Variants in IL7 observed in about 807,000 individuals in gnomAD.
IL7 encodes the protein interleukin-7.
Under a neutral mutation model 21.6 loss-of-function variants are expected in IL7, and 3 were observed. The observed-to-expected ratio is 0.14, with a 90% confidence interval of 0.06 to 0.36. IL7 has a LOEUF of 0.36. Among genes scored for constraint, IL7 ranks in the 10% least tolerant of loss-of-function variants. The probability of loss-of-function intolerance (pLI) is 1.00; values close to 1 mark genes in which losing one functional copy is unlikely to be tolerated. For missense variants in IL7, 175 were observed against 200.2 expected, an observed-to-expected ratio of 0.87 and a Z score of 0.76; for synonymous variants, 62 against 68.1, an observed-to-expected ratio of 0.91 and a Z score of 0.44.
intron 2 of IL7, among the ~76,000 whole-genome samples, chr8:78,788,010 C>A (rs1813567080): frequency 6.6e-6 from 1 of 152,096 alleles, no homozygotes; most frequent in Admixed American, 6.6e-5. Context: ...CCTTGGTGTT[C>A]CTTGGCCAAG....
chr8:78,675,999 C>T (rs1345331982), exon 5 of IL7: 3 of 589,982 alleles, frequency 5.1e-6, no homozygotes, highest in East Asian at 3.1e-5. Flanking sequence ...GTTCAAGGGT[C>T]TTGATTTCAG....
Position 78,799,859 on chromosome 8 carries a change from A to T in IL7, c.11-1651T>A, listed in dbSNP as rs189942289. Among the ~76,000 whole-genome samples, 9 of 152,162 alleles carry T rather than the reference A, an allele frequency of 5.9e-5. No homozygotes were observed. In the East Asian group the frequency reaches 1.5e-3, roughly 26 times the overall value. On this transcript the variant is annotated intron_variant, in intron 1 of 5. Coordinates refer to ENST00000263851, the MANE Select transcript of IL7 (RefSeq NM_000880.4). ...TCTCTCTTCTACTCCTGTTCCTTCAACCTAAAGATCCTCAGTGATCAATTG... is the reference window on the plus strand; with the variant it reads ...TCTCTCTTCTACTCCTGTTCCTTCATCCTAAAGATCCTCAGTGATCAATTG...
chr8:78,764,996 G>A (rs1396236708), intron 2 of IL7, among the ~76,000 whole-genome samples: 2 of 152,044 alleles, frequency 1.3e-5, no homozygotes, highest in Admixed American at 1.3e-4. Flanking sequence ...TAGATCAATG[G>A]ACCAGAATAT....
chr8:78,743,796 CT>C (rs945106441), intron 2 of IL7, among the ~76,000 whole-genome samples: 50 of 151,590 alleles, frequency 3.3e-4, no homozygotes, highest in Middle Eastern at 3.4e-3. Context: ...CGTTGCCTAC[CT>C]TTTTTTTTCC....
chr8:78,681,767 G>T (rs1169305625), intron 4 of IL7, among the ~76,000 whole-genome samples: 1 of 151,968 alleles, frequency 6.6e-6, no homozygotes, highest in East Asian at 1.9e-4. Flanking sequence ...GTTTTCCAAG[G>T]ACATTGCCCA....
downstream of IL7, among the ~76,000 whole-genome samples, chr8:78,729,100 A>G (rs1811380176): frequency 6.6e-6 from 1 of 152,040 alleles, no homozygotes; most frequent in Non-Finnish European, 1.5e-5. Context: ...AAATATTGCC[A>G]GTCATGTATT....
At chr8:78,767,298 C>T (rs1008379033) in intron 2 of IL7, among the ~76,000 whole-genome samples, 9 of 151,818 alleles carry the variant, frequency 5.9e-5, no homozygotes, top group African/African-American at 1.9e-4. Flanking sequence ...TGAGTGTGAA[C>T]AATCAGGTTA....
In IL7 at chr8:78,776,151, T is replaced by TA. The variant is rs1479619790; in HGVS notation, c.147+21920dup. Among the ~76,000 whole-genome samples, 3 of 152,224 alleles carry TA rather than the reference T, an allele frequency of 2.0e-5. No individual in the cohort carries two copies. The South Asian group carries it at 6.2e-4, about 32-fold the overall frequency. Reference sequence around the variant, plus strand: ...AATTATGACAATATTCTAGCATCACTACTCTTGCTTTTTGGGGCCATTATG... The same window carrying TA: ...AATTATGACAATATTCTAGCATCACTAACTCTTGCTTTTTGGGGCCATTATG... On this transcript the variant is annotated intron_variant, in intron 2 of 5. Transcript: ENST00000263851.
chr8:78,675,798 G>A (rs1212893275), exon 5 of IL7: 4 of 1,608,350 alleles, frequency 2.5e-6, no homozygotes, highest in African/African-American at 1.3e-5. Context: ...GAATGGAGGT[G>A]TTGTCCAAGT....
chr8:78,695,400 C>T (rs1810365914), intron 3 of IL7, among the ~76,000 whole-genome samples: 1 of 152,108 alleles, frequency 6.6e-6, no homozygotes, highest in Admixed American at 6.5e-5. Flanking sequence ...CTACCAGGAA[C>T]CTTTCTGCCT....
chr8:78,746,779 G>A (rs543883645), intron 2 of IL7: 2 of 335,626 alleles, frequency 6.0e-6, no homozygotes, highest in South Asian at 4.8e-5. Flanking sequence ...GTGTGTATGT[G>A]TTTGTAGCAA....
At chr8:78,778,563 CTTCTTTGTGAGGTCTCTA>C (rs1180833290) in intron 2 of IL7, among the ~76,000 whole-genome samples, 1 of 152,000 alleles carries the variant, frequency 6.6e-6, no homozygotes, top group African/African-American at 2.4e-5. Context: ...GATATGTGGT[CTTCTTTGTGAGGTCTCTA>C]TTCTTTTCCA....
chr8:78,689,033 A>C (rs1239796109), intron 3 of IL7, among the ~76,000 whole-genome samples: 1 of 82,706 alleles, frequency 1.2e-5, no homozygotes, highest in African/African-American at 3.6e-5. Flanking sequence ...GTACCAGCAG[A>C]CTTTTTTTTT....
At chr8:78,689,992 G>A (rs1001501330) in intron 3 of IL7, among the ~76,000 whole-genome samples, 4 of 151,994 alleles carry the variant, frequency 2.6e-5, no homozygotes, top group African/African-American at 7.2e-5. Flanking sequence ...TGAAGTAAGG[G>A]GCAGTTTTTC....
intron 3 of IL7, chr8:78,698,392 A>G: frequency 6.3e-7 from 1 of 1,584,712 alleles, no homozygotes; most frequent in Non-Finnish European, 8.6e-7. Flanking sequence ...TATTGTTAAA[A>G]ATAATGCTTT....
At chr8:78,800,435 C>A (rs1004163357) in intron 1 of IL7, among the ~76,000 whole-genome samples, 4 of 152,126 alleles carry the variant, frequency 2.6e-5, no homozygotes. Context: ...GTAGCTAGGA[C>A]TACAGGGTGC....
At chr8:78,773,340 C>A (rs1354435129) in intron 2 of IL7, among the ~76,000 whole-genome samples, 2 of 152,080 alleles carry the variant, frequency 1.3e-5, no homozygotes, top group African/African-American at 4.8e-5. Flanking sequence ...AGACAGTGGT[C>A]CAGGGCCAGA....
At chr8:78,774,628 A>T (rs192586238) in intron 2 of IL7, among the ~76,000 whole-genome samples, 2 of 152,234 alleles carry the variant, frequency 1.3e-5, no homozygotes, top group Admixed American at 1.3e-4. Context: ...CCCATAACAT[A>T]GCGTGTTTTC....
downstream of IL7, among the ~76,000 whole-genome samples, chr8:78,714,569 T>A (rs1811041043): frequency 6.6e-6 from 1 of 152,186 alleles, no homozygotes; most frequent in Non-Finnish European, 1.5e-5. Context: ...CCCAAGCCTC[T>A]GCTTTTAGTG....
Sources: gnomAD v4.1 joint callset for allele counts (sites outside exome capture counted in the v4.1 genomes callset) on GRCh38, gnomAD v4.1.1 for gene constraint, MANE v1.5 for transcripts, NCBI Gene and HGNC (gene_info 2026-07-23, HGNC 2026-07-21) for gene names.